Variants in CHD4 observed in about 807,000 individuals in gnomAD.
CHD4 encodes chromodomain helicase DNA binding protein 4.
In CHD4, 35 loss-of-function variants were observed where a neutral mutation model predicts 235.5. That is an observed-to-expected ratio of 0.15 (90% CI 0.11 to 0.20). The LOEUF is 0.20. CHD4 is among the 10% of genes least tolerant of loss of function. The pLI is 1.00. For synonymous variants in CHD4, 900 were observed against 850.2 expected (o/e 1.06, Z -1.02); for missense variants, 1,329 against 2,432.3 (o/e 0.55, Z 9.54).
At position 6,602,449 on chromosome 12, in the gene CHD4, T is replaced by C; in HGVS notation, c.149A>G (p.Lys50Arg). ...EEDLSETETP[K>R]LKKKKKPKKP... The stretch of plus-strand genomic sequence containing the variant: ...CTTAGGCTTTTTCTTCTTCTTGAGC[T>C]TTGGAGTCTCTGTTTCTGACAAATC... Residue 50 changes from lysine (K) to arginine (R), a missense_variant, in exon 3 of 40, where the codon AAG (lysine) becomes AGG (arginine). By Grantham distance (26) the Lys-to-Arg change is conservative. This residue lies in a region of CHD4 where 213 missense variants were observed against 177.5 expected (regional missense o/e 1.20). Transcript: ENST00000544040. 6.2e-7 allele frequency: 1 copy of C among 1,614,132 alleles called. No individual in the cohort carries two copies. The highest frequency in any genetic ancestry group is 8.5e-7 in the Non-Finnish European group (1 of 1,180,032).
In CHD4 at chr12:6,598,090, G is replaced by A. The variant is rs372697811; in HGVS notation, c.1696C>T (p.His566Tyr). The A allele has an allele frequency of 1.9e-6, 3 of 1,614,014 alleles. No individual in the cohort carries two copies. Among genetic ancestry groups the A allele is most frequent in the African/African-American group, 1.3e-5 (1 of 74,888 alleles). Residue 566 changes from histidine to tyrosine, a missense_variant, in exon 12 of 40, where the codon CAC becomes TAC. By Grantham distance (83) the His-to-Tyr change is moderately conservative. Coordinates refer to ENST00000544040, the MANE Select transcript of CHD4 (RefSeq NM_001273.5). ...SWVSELQLELHCQVMFRNYQR... is the reference protein window; with the variant it reads ...SWVSELQLELYCQVMFRNYQR... ...TAGTTTCGGAACATCACCTGACAGTGCAGCTCCAGCTTTGAGCGGAAAGAG... is the reference window on the plus strand; with the variant it reads ...TAGTTTCGGAACATCACCTGACAGTACAGCTCCAGCTTTGAGCGGAAAGAG...
intron 23 of CHD4, 120 bp downstream of exon 23, chr12:6,588,178 A>G: frequency 1.5e-6 from 2 of 1,352,090 alleles, no homozygotes; most frequent in South Asian, 2.8e-5. Flanking sequence ...AACAACACAA[A>G]AAGAATCTGT....
chr12:6,581,897 G>A, intron 30 of CHD4, 83 bp from the exon 31 acceptor site: 6 of 1,445,252 alleles, frequency 4.2e-6, no homozygotes, highest in Non-Finnish European at 4.6e-6. Flanking sequence ...CCGCCTCCCG[G>A]GTTCAAGCAA....
rs1375995610 is a variant in CHD4 at position 6,587,367 on chromosome 12, C to T, written c.3879+17G>A. ...GACCAATTACCAAGCACAGGATTGC[C>T]TTGGATTCATACTCACCCCCATTTC... On this transcript the variant is annotated intron_variant, in intron 25 of 39. Transcript: ENST00000544040. The T allele has an allele frequency of 1.9e-6, 3 of 1,612,242 alleles. No homozygotes were observed. The African/African-American group carries it at 4.0e-5, about 21-fold the overall frequency.
At position 6,577,779 on chromosome 12, in the gene CHD4, G is replaced by A. The variant is rs368491094; in HGVS notation, c.5361+6C>T. The A allele has an allele frequency of 1.7e-5, 27 of 1,613,756 alleles. No individual in the cohort carries two copies. The East Asian group carries it at 4.0e-4, about 24-fold the overall frequency. On this transcript the variant is annotated splice_donor_region_variant and intron_variant, in intron 37 of 39. Coordinates refer to ENST00000544040, the MANE Select transcript of CHD4 (RefSeq NM_001273.5). ...TTAAGCAATATATTCCTCCCCAACC[G>A]CTCACCTTAAACCTTCGAGCTAGAA...
chr12:6,580,387 G>A (rs1187094269), intron 33 of CHD4: 1 of 152,096 alleles, frequency 6.6e-6, no homozygotes, highest in African/African-American at 2.4e-5. Flanking sequence ...GAGTGACCAT[G>A]GTTCACACAG....
chr12:6,606,387 C>T lies in CHD4; in HGVS notation c.-14G>A. 6.4e-7 allele frequency: 1 copy of T among 1,561,484 alleles called. No homozygotes were observed. Among genetic ancestry groups the T allele is most frequent in the East Asian group, 2.6e-5 (1 of 38,794 alleles). On this transcript the variant is annotated 5_prime_UTR_variant, in exon 2 of 40. Transcript: ENST00000544040. ...GCCCGACGCCATCCCCTTCCGCTCC[C>T]GGCCAGGGAATTGGCCCAGCTGCTC...
At position 6,600,635 on chromosome 12, in the gene CHD4, A is replaced by C. The variant is rs745540978; in HGVS notation, c.962T>G (p.Phe321Cys). The C allele has an allele frequency of 6.2e-7, 1 of 1,614,146 alleles. No individual in the cohort carries two copies. The highest frequency in any genetic ancestry group is 8.5e-7 in the Non-Finnish European group (1 of 1,180,020). Residue 321 changes from phenylalanine to cysteine, a missense_variant, in exon 8 of 40, where the codon TTC becomes TGC. This residue lies in a region of CHD4 where 160 missense variants were observed against 196.6 expected (regional missense o/e 0.81). Coordinates refer to ENST00000544040, the MANE Select transcript of CHD4 (RefSeq NM_001273.5). ...ATAGCTATTGATACTGGCATCATCG[A>C]AGTCAGATTCCACATCTAAGTCATC... ...EDDDLDVESD[F>C]DDASINSYSV...
Position 6,602,495 on chromosome 12 carries a change from T to C in CHD4, c.103A>G (p.Asn35Asp), listed in dbSNP as rs768750436. The change falls in exon 3 of 40, where the codon AAT becomes GAT. Residue 35 changes from asparagine (N) to aspartate (D), a missense_variant and splice_region_variant. This residue lies in a region of CHD4 where 213 missense variants were observed against 177.5 expected (regional missense o/e 1.20). Coordinates refer to ENST00000544040, the MANE Select transcript of CHD4 (RefSeq NM_001273.5). ...NNSLPPPHPE[N>D]EEDPEEDLSE... ...AAATCCTCTTCTGGGTCCTCTTCAT[T>C]TTCTACATATATTTGGCAAAGAGTG... is the stretch of plus-strand genomic sequence containing the variant. 1.9e-6 allele frequency: 3 copies of C among 1,611,450 alleles called. No homozygotes were observed. Among genetic ancestry groups the C allele is most frequent in the East Asian group, 2.2e-5 (1 of 44,862 alleles).
At chr12:6,605,840 C>T (rs1249174896) in intron 2 of CHD4, among the ~76,000 whole-genome samples, 1 of 152,152 alleles carries the variant, frequency 6.6e-6, no homozygotes, top group Non-Finnish European at 1.5e-5. Context: ...ACCAGCACTC[C>T]CTCTTTCCTT....
At chr12:6,575,449 CAA>C (rs201602922) in intron 37 of CHD4, among the ~76,000 whole-genome samples, 46 of 58,458 alleles carry the variant, frequency 7.9e-4, no homozygotes, top group Middle Eastern at 7.5e-3. Flanking sequence ...GACTTTGTCT[CAA>C]AAAAAAAAAA....
Position 6,573,289 on chromosome 12 carries a change from A to G in CHD4, c.5362-20T>C. 6.6e-7 allele frequency: 1 copy of G among 1,522,196 alleles called. No individual in the cohort carries two copies. Among genetic ancestry groups the G allele is most frequent in the South Asian group, 1.3e-5 (1 of 74,752 alleles). The allele number at this position is 1,522,196 out of a possible 1,614,324, so 94.3% of individuals were successfully genotyped here. A position where few individuals can be genotyped will look rare whatever the true frequency, so the allele number is the denominator to read the frequency against. ...TAAGAGCTGGACAAGGGATAAGAGG[A>G]AACGGGAGTTCGACTGATAACTCAC... On this transcript the variant is annotated intron_variant, in intron 37 of 39. Coordinates refer to ENST00000544040, the MANE Select transcript of CHD4 (RefSeq NM_001273.5).
Position 6,583,010 on chromosome 12 carries a change from AAAAG to A in CHD4, c.4147+13_4147+16del. 6.3e-7 allele frequency: 1 copy of A among 1,587,692 alleles called. No homozygotes were observed. Among genetic ancestry groups the A allele is most frequent in the Non-Finnish European group, 8.6e-7 (1 of 1,168,094 alleles). On this transcript the variant is annotated intron_variant, in intron 27 of 39. Coordinates refer to ENST00000544040, the MANE Select transcript of CHD4 (RefSeq NM_001273.5). ...AAGCAACATTTAGAAAAGCAACAAA[AAAAG>A]CACAGCCCTCACCTTCTGAACGTTC...
At chr12:6,596,890 C>G (rs986209908) in intron 12 of CHD4, among the ~76,000 whole-genome samples, 1 of 151,042 alleles carries the variant, frequency 6.6e-6, no homozygotes, top group South Asian at 2.1e-4. Flanking sequence ...GCCTGAGAGG[C>G]GGAGGTTGCA....
chr12:6,583,525 A>AAC, intron 25 of CHD4, 147 bp from the exon 26 acceptor site: 1 of 668,886 alleles, frequency 1.5e-6, no homozygotes, highest in African/African-American at 1.8e-5. Flanking sequence ...AAGAACTTAG[A>AAC]AGAAATTTGA....
intron 2 of CHD4, among the ~76,000 whole-genome samples, chr12:6,605,869 G>C (rs1328200914): frequency 6.6e-6 from 1 of 152,142 alleles, no homozygotes; most frequent in African/African-American, 2.4e-5. Flanking sequence ...AGCAACCACA[G>C]GATCCTACTA....
chr12:6,578,550 C>G lies in CHD4; in HGVS notation c.4982-4G>C. 2 of 1,610,228 alleles carry G rather than the reference C, an allele frequency of 1.2e-6. No homozygotes were observed. The highest frequency in any genetic ancestry group is 8.5e-7 in the Non-Finnish European group (1 of 1,179,692). On this transcript the variant is annotated splice_polypyrimidine_tract_variant and splice_region_variant and intron_variant, in intron 34 of 39. Transcript: ENST00000544040. ...TCTTCTTCTTCTTTCTTCTCTTCTA[C>G]AGAATATGGGGAAGAAAAATGTCAG...
At chr12:6,600,766 C>T (rs527340518) in intron 7 of CHD4, 97 bp from the exon 8 acceptor site, 2 of 1,540,392 alleles carry the variant, frequency 1.3e-6, no homozygotes, top group African/African-American at 2.8e-5. Context: ...ACACCAGAAT[C>T]CCAGCAAGCA....
chr12:6,581,037 C>A lies in CHD4; in HGVS notation c.4909+7G>T. 1 of 1,613,182 alleles carries A rather than the reference C, an allele frequency of 6.2e-7. No individual in the cohort carries two copies. Among genetic ancestry groups the A allele is most frequent in the Non-Finnish European group, 8.5e-7 (1 of 1,179,796 alleles). On this transcript the variant is annotated splice_region_variant and intron_variant, in intron 33 of 39. Coordinates refer to ENST00000544040, the MANE Select transcript of CHD4 (RefSeq NM_001273.5). ...CAAACAAACAAAAAAAATGTGGATA[C>A]CTTTACCTTTGGGCTCTGTCTCCAT...
Sources: gnomAD v4.1 joint callset for allele counts (sites outside exome capture counted in the v4.1 genomes callset) on GRCh38, gnomAD v4.1.1 for gene constraint, gnomAD v4.1.1 regional missense constraint, MANE v1.5 for transcripts, NCBI Gene and HGNC (gene_info 2026-07-23, HGNC 2026-07-21) for gene names.